FZD6: variants seen among roughly 807,000 people sequenced by gnomAD.
FZD6 encodes the protein frizzled class receptor 6, also known as frizzled-6.
In FZD6, 49 loss-of-function variants were observed where a neutral mutation model predicts 61.4. The ratio of observed to expected loss-of-function variants is 0.80; its 90% CI spans 0.63 to 1.01. The LOEUF (loss-of-function observed/expected upper bound fraction) is 1.01. Ranked by LOEUF, FZD6 falls within the 50% of genes least tolerant of loss-of-function variation. The pLI, the probability that FZD6 is intolerant of heterozygous loss-of-function variation, is 0.00. For synonymous variants in FZD6, 265 were observed against 292.2 expected, an observed-to-expected ratio of 0.91 and a Z score of 0.95; for missense variants, 724 against 848.2, an observed-to-expected ratio of 0.85 and a Z score of 1.82.
intron 5 of FZD6, 66 bp from the exon 6 acceptor site, chr8:103,329,589 T>G: frequency 8.2e-7 from 1 of 1,218,624 alleles, no homozygotes; most frequent in Admixed American, 1.9e-5. Flanking sequence ...GTGATATCCT[T>G]TATATCCTCT....
chr8:103,319,816 G>A (rs573657977), intron 3 of FZD6, among the ~76,000 whole-genome samples: 1 of 152,288 alleles, frequency 6.6e-6, no homozygotes, highest in African/African-American at 2.4e-5. Flanking sequence ...AGAGTGACTG[G>A]GGCAAAGGAC....
At position 103,324,913 on chromosome 8, in the gene FZD6, T is replaced by G. The variant is rs1198501591; in HGVS notation, c.807T>G (p.Leu269=). ...ACNKADEKLE[L]GDTVVLGSQN... Reference sequence around the variant, plus strand: ...ATAAGGCAGATGAGAAGCTAGAACTTGGTGACACTGTTGTCCTAGGCTCTC... The same window carrying G: ...ATAAGGCAGATGAGAAGCTAGAACTGGGTGACACTGTTGTCCTAGGCTCTC... The change falls in exon 4 of 7, where the codon CTT becomes CTG. Residue 269 remains leucine, a synonymous_variant. Transcript: ENST00000358755. 4 of 1,614,038 alleles carry G rather than the reference T, an allele frequency of 2.5e-6. No individual in the cohort carries two copies. In the South Asian group the frequency reaches 4.4e-5, roughly 18 times the overall value.
intron 2 of FZD6, among the ~76,000 whole-genome samples, chr8:103,314,578 T>C (rs827543): frequency 0.95 from 143,991 of 152,268 alleles, 68,150 homozygotes; most frequent in East Asian, 1. Flanking sequence ...AAAGCAATAA[T>C]ATATGTCAAC....
At chr8:103,301,298 T>C (rs898386558) in intron 2 of FZD6, among the ~76,000 whole-genome samples, 1 of 152,166 alleles carries the variant, frequency 6.6e-6, no homozygotes, top group Non-Finnish European at 1.5e-5. Flanking sequence ...ATTATATTAT[T>C]GTTATCTTTC....
intron 2 of FZD6, among the ~76,000 whole-genome samples, chr8:103,317,681 C>T (rs1814666183): frequency 6.6e-6 from 1 of 151,974 alleles, no homozygotes; most frequent in African/African-American, 2.4e-5. Context: ...CAAAAATTAG[C>T]CGGGCGTAGT....
At chr8:103,303,492 A>G (rs1364315305) in intron 2 of FZD6, among the ~76,000 whole-genome samples, 4 of 152,170 alleles carry the variant, frequency 2.6e-5, no homozygotes, top group Non-Finnish European at 4.4e-5. Context: ...CTCTAGATTG[A>G]GAGTTTGTTG....
At position 103,329,976 on chromosome 8, in the gene FZD6, A is replaced by C; in HGVS notation, c.1863A>C (p.Pro621=). ...REQDCGEPAS[P]AASISRLSGE... is the part of the protein sequence containing the mutation. The stretch of plus-strand genomic sequence containing the variant: ...AGGACTGTGGTGAACCTGCCTCGCC[A>C]GCAGCATCCATCTCCAGACTCTCTG... Residue 621 remains proline, a synonymous_variant, in exon 6 of 7, where the codon CCA becomes CCC. Coordinates refer to ENST00000358755, the MANE Select transcript of FZD6 (RefSeq NM_003506.4). 6.2e-7 allele frequency: 1 copy of C among 1,614,098 alleles called. No homozygotes were observed. The highest frequency in any genetic ancestry group is 8.5e-7 in the Non-Finnish European group (1 of 1,179,928).
chr8:103,298,787 C>A, upstream of FZD6: 1 of 162,296 alleles, frequency 6.2e-6, no homozygotes, highest in South Asian at 1.7e-4. Flanking sequence ...CCGCCGCCGC[C>A]GCCGCCGCCG....
intron 6 of FZD6, among the ~76,000 whole-genome samples, chr8:103,330,984 T>C (rs1299228980): frequency 6.6e-6 from 1 of 152,182 alleles, no homozygotes; most frequent in East Asian, 1.9e-4. Context: ...GAGACCATTC[T>C]GGCTAACATG....
chr8:103,311,834 A>G (rs1280649571), intron 2 of FZD6, among the ~76,000 whole-genome samples: 1 of 152,156 alleles, frequency 6.6e-6, no homozygotes, highest in Non-Finnish European at 1.5e-5. Flanking sequence ...GGTATCATAA[A>G]TCTCCTTAGT....
chr8:103,329,473 G>C (rs1289394538), intron 5 of FZD6, among the ~76,000 whole-genome samples, 182 bp from the exon 6 acceptor site: 1 of 151,996 alleles, frequency 6.6e-6, no homozygotes, highest in East Asian at 1.9e-4. Context: ...ATACACAAAA[G>C]ATTTTATAAA....
At chr8:103,308,167 C>T (rs1011995556) in intron 2 of FZD6, among the ~76,000 whole-genome samples, 1 of 152,166 alleles carries the variant, frequency 6.6e-6, no homozygotes, top group Non-Finnish European at 1.5e-5. Context: ...TATACTGGTG[C>T]AACTAGAGAA....
chr8:103,298,777 CCG>C (rs1267240735), upstream of FZD6: 1 of 10,248 alleles, frequency 9.8e-5, no homozygotes, highest in African/African-American at 3.5e-4. Context: ...GCCAGTCCCG[CCG>C]CCGCCGCCGC....
intron 2 of FZD6, among the ~76,000 whole-genome samples, chr8:103,304,879 G>A (rs936152654): frequency 6.6e-6 from 1 of 152,134 alleles, no homozygotes; most frequent in Admixed American, 6.5e-5. Flanking sequence ...AAACCAAAAG[G>A]ATCTGACTGG....
intron 3 of FZD6, among the ~76,000 whole-genome samples, chr8:103,322,344 G>T (rs1814813527): frequency 6.7e-6 from 1 of 149,236 alleles, no homozygotes; most frequent in African/African-American, 2.5e-5. Flanking sequence ...AGACCAGCCT[G>T]GGTAACATAG....
intron 2 of FZD6, among the ~76,000 whole-genome samples, chr8:103,317,128 A>T (rs1166028717): frequency 6.6e-6 from 1 of 152,226 alleles, no homozygotes; most frequent in Admixed American, 6.5e-5. Flanking sequence ...AATTGAGTGG[A>T]GACTCAAATG....
chr8:103,307,677 A>T, intron 2 of FZD6: 1 of 435,850 alleles, frequency 2.3e-6, no homozygotes, highest in African/African-American at 2.1e-5. Flanking sequence ...TAATTCTTTT[A>T]ACTCTGAAGA....
intron 2 of FZD6, among the ~76,000 whole-genome samples, chr8:103,307,055 T>G: frequency 6.6e-6 from 1 of 152,182 alleles, no homozygotes; most frequent in East Asian, 1.9e-4. Context: ...AGTGGGATTC[T>G]GATTCATGCT....
At chr8:103,317,372 A>G (rs1280119082) in intron 2 of FZD6, among the ~76,000 whole-genome samples, 1 of 152,230 alleles carries the variant, frequency 6.6e-6, no homozygotes, top group Non-Finnish European at 1.5e-5. Flanking sequence ...GGAGTCTTTG[A>G]ACAAGGATAA....
Sources: allele counts gnomAD v4.1 joint callset (sites outside exome capture counted in the v4.1 genomes callset), GRCh38; gene constraint gnomAD v4.1.1; transcripts MANE v1.5; gene names NCBI Gene and HGNC (gene_info 2026-07-23, HGNC 2026-07-21).